The following DMD variants were observed in gnomAD, a reference collection of about 807,000 sequenced individuals.
DMD encodes mutant dystrophin.
In DMD, 63 loss-of-function variants were observed where a neutral mutation model predicts 330.1. The observed-to-expected ratio is 0.19, with a 90% CI of 0.16 to 0.24. DMD has a LOEUF of 0.24. Ranked by LOEUF, DMD falls within the 10% of genes least tolerant of loss-of-function variation. The probability of loss-of-function intolerance (pLI) is 1.00; values close to 1 mark genes in which losing one functional copy is unlikely to be tolerated. For synonymous variants in DMD, 1,223 were observed against 959.8 expected (o/e 1.27, Z -5.07); for missense variants, 3,344 against 2,684.1 (o/e 1.25, Z -5.43).
chrX:31,119,528 AAATT>A lies in DMD; in HGVS notation c.*2387_*2390del, dbSNP rs1475271357. On this transcript the variant is annotated 3_prime_UTR_variant, in exon 79 of 79. Transcript: ENST00000357033. The stretch of plus-strand genomic sequence containing the variant: ...AAGAACACAACACGAAATAATGTCC[AAATT>A]AATTATGCTTAAAATGCAGCAATAA... 1 of 112,610 alleles carries A rather than the reference AAATT, an allele frequency of 8.9e-6. No homozygotes were observed. Among genetic ancestry groups the A allele is most frequent in the Non-Finnish European group, 1.9e-5 (1 of 53,207 alleles). 9.3% of individuals were successfully genotyped at this position (112,610 alleles called of 1,213,427 possible).
chrX:31,453,765 C>CAAAAAAAAAAAAAACAAA (rs2065936217), intron 59 of DMD, among the ~76,000 whole-genome samples: 1 of 8,983 alleles, frequency 1.1e-4, no homozygotes, highest in Non-Finnish European at 1.7e-4. Context: ...AAAAAACAAG[C>CAAAAAAAAAAAAAACAAA]AAAAAAAAAA....
chrX:33,012,944 A>T (rs1166715828), intron 2 of DMD, among the ~76,000 whole-genome samples: 1 of 111,104 alleles, frequency 9.0e-6, no homozygotes, highest in African/African-American at 3.3e-5. Context: ...CAATGGTTGC[A>T]TTTTGGGGTT....
At chrX:31,715,311 G>A (rs886527777) in intron 52 of DMD, among the ~76,000 whole-genome samples, 1 of 107,929 alleles carries the variant, frequency 9.3e-6, no homozygotes, top group Non-Finnish European at 1.9e-5. Flanking sequence ...TTGGGAGGCC[G>A]AGACGGGCGG....
chrX:32,668,996 G>T (rs1236895292), intron 9 of DMD, among the ~76,000 whole-genome samples: 1 of 111,009 alleles, frequency 9.0e-6, no homozygotes, highest in Non-Finnish European at 1.9e-5. Flanking sequence ...ATAGCACATT[G>T]TATGTTATAC....
chrX:31,804,030 C>A (rs946216107), intron 50 of DMD, among the ~76,000 whole-genome samples: 2 of 111,012 alleles, frequency 1.8e-5, no homozygotes, highest in Admixed American at 9.6e-5. Flanking sequence ...CTGCCTTCTC[C>A]AGCCTAGATG....
In DMD at chrX:32,543,852, G is replaced by C. The variant is rs369455003; in HGVS notation, c.2168+1307C>G. 1.3e-4 allele frequency among the ~76,000 whole-genome samples: 15 copies of C among 111,513 alleles called. 1 individual carries two copies. In the East Asian group the frequency reaches 2.3e-3, roughly 17 times the overall value. On this transcript the variant is annotated intron_variant, in intron 17 of 78. Transcript: ENST00000357033. ...AGGTAATAAATATTTTAGGCTTTGT[G>C]GACTATACAGTTTGTGTTACAACTA...
At chrX:33,321,957 C>T (rs2054022168) in intron 1 of DMD, among the ~76,000 whole-genome samples, 1 of 111,784 alleles carries the variant, frequency 8.9e-6, no homozygotes. Context: ...CCTTACCTCT[C>T]AGCCTTCGTA....
chrX:31,740,001 G>A (rs1042328760), intron 51 of DMD, among the ~76,000 whole-genome samples: 13 of 109,255 alleles, frequency 1.2e-4, no homozygotes, highest in Non-Finnish European at 2.5e-4. Context: ...TATACCACAC[G>A]GAACTTAAAG....
At chrX:32,327,237 TTAATC>T (rs1448493284) in intron 41 of DMD, among the ~76,000 whole-genome samples, 1 of 110,926 alleles carries the variant, frequency 9.0e-6, no homozygotes, top group Non-Finnish European at 1.9e-5. Flanking sequence ...AATTACCTCT[TTAATC>T]AAAGCAAAAT....
intron 60 of DMD, among the ~76,000 whole-genome samples, chrX:31,380,434 T>G (rs1271082626): frequency 1.8e-5 from 2 of 109,901 alleles, no homozygotes; most frequent in Non-Finnish European, 3.8e-5. Flanking sequence ...CGACCAATCA[T>G]GCACCCCTTA....
chrX:32,335,940 TAC>T (rs1267492921), intron 41 of DMD, among the ~76,000 whole-genome samples: 4 of 106,694 alleles, frequency 3.7e-5, no homozygotes, highest in African/African-American at 1.0e-4. Flanking sequence ...ATAACGTGTA[TAC>T]GTGTATGTTA....
intron 2 of DMD, among the ~76,000 whole-genome samples, chrX:33,011,878 G>C (rs1437435276): frequency 1.8e-5 from 2 of 111,396 alleles, no homozygotes; most frequent in Admixed American, 9.6e-5. Flanking sequence ...TGGTTTTTTT[G>C]CTAGCAACTA....
At chrX:32,432,881 C>T (rs913520725) in intron 29 of DMD, among the ~76,000 whole-genome samples, 4 of 112,170 alleles carry the variant, frequency 3.6e-5, no homozygotes, top group Admixed American at 9.5e-5. Flanking sequence ...AAAATTAATA[C>T]GGCCCTCTCT....
intron 41 of DMD, among the ~76,000 whole-genome samples, chrX:32,326,844 G>T (rs1431923076): frequency 1.0e-4 from 11 of 109,154 alleles, no homozygotes; most frequent in African/African-American, 3.3e-4. Flanking sequence ...GAGACAGAGG[G>T]TGCAGTGAGC....
intron 2 of DMD, among the ~76,000 whole-genome samples, chrX:32,929,790 C>A (rs1168674481): frequency 9.0e-6 from 1 of 111,107 alleles, no homozygotes; most frequent in Non-Finnish European, 1.9e-5. Context: ...TCAACTCCCA[C>A]TTATAAGACA....
At chrX:32,561,701 G>T (rs1236028037) in intron 16 of DMD, among the ~76,000 whole-genome samples, 1 of 111,309 alleles carries the variant, frequency 9.0e-6, no homozygotes, top group East Asian at 2.8e-4. Flanking sequence ...TTCAGGGAAT[G>T]CAAGATACTG....
chrX:32,709,432 AT>A (rs1448834642), intron 7 of DMD, among the ~76,000 whole-genome samples: 1 of 111,809 alleles, frequency 8.9e-6, no homozygotes, highest in Non-Finnish European at 1.9e-5. Context: ...ACTAAAGTAT[AT>A]TTTTTGAATA....
rs142728589 is a variant in DMD, at chrX:31,432,950, C to T, written c.9084+11531G>A. Among the ~76,000 whole-genome samples, 128 of 111,693 alleles carry T rather than the reference C, an allele frequency of 1.1e-3. 1 individual carries two copies. Among genetic ancestry groups the T allele is most frequent in the East Asian group, 0.011 (39 of 3,571 alleles). On this transcript the variant is annotated intron_variant, in intron 60 of 78. Transcript: ENST00000357033. ...AAGGGGTACATGTGCAGGTTTATTA[C>T]ATGGGTATATTGTGTGACACTGAGG...
intron 44 of DMD, among the ~76,000 whole-genome samples, chrX:32,164,475 T>C (rs2096860812): frequency 9.0e-6 from 1 of 111,647 alleles, no homozygotes; most frequent in South Asian, 3.8e-4. Context: ...ATTTTGACCC[T>C]GACCTAGAGA....
Sources: gnomAD v4.1 joint callset for allele counts (sites outside exome capture counted in the v4.1 genomes callset) on GRCh38, gnomAD v4.1.1 for gene constraint, MANE v1.5 for transcripts, NCBI Gene and HGNC (gene_info 2026-07-23, HGNC 2026-07-21) for gene names.